KLHDC2: variants seen among roughly 807,000 people sequenced by gnomAD.
The protein encoded by KLHDC2 is kelch domain containing 2, also known as kelch domain-containing protein 2.
A neutral mutation model predicts 62.3 loss-of-function variants in KLHDC2; 38 were observed. The observed-to-expected ratio is 0.61, with a 90% CI of 0.47 to 0.80. KLHDC2 has a LOEUF of 0.80. Among genes scored for constraint, KLHDC2 ranks in the 30% least tolerant of loss-of-function variants. KLHDC2 has a pLI of 0.00. For synonymous variants in KLHDC2, 159 were observed against 161.0 expected, an observed-to-expected ratio of 0.99 and a Z score of 0.09; for missense variants, 430 against 495.3, an observed-to-expected ratio of 0.87 and a Z score of 1.25.
intron 3 of KLHDC2, among the ~76,000 whole-genome samples, chr14:49,775,642 A>T (rs8007202): frequency 0.97 from 134,717 of 138,794 alleles, 65,409 homozygotes; most frequent in East Asian, 1. Flanking sequence ...TTTTTTTCGG[A>T]TGGGGACAGA....
chr14:49,778,168 C>A lies in KLHDC2; in HGVS notation c.468-10C>A. ...TTGAATTTTTAGTGTCTTGGTTTTT[C>A]ATCCAACAGGTTAATATTTTTTGGA... On this transcript the variant is annotated splice_polypyrimidine_tract_variant and intron_variant, in intron 4 of 12. Coordinates refer to ENST00000298307, the MANE Select transcript of KLHDC2 (RefSeq NM_014315.3). 1 of 1,574,596 alleles carries A rather than the reference C, an allele frequency of 6.4e-7. No homozygotes were observed. The highest frequency in any genetic ancestry group is 1.1e-5 in the South Asian group (1 of 87,152).
rs187842171 is a variant in KLHDC2, at chr14:49,783,262, C to G, written c.*309C>G. 7.4e-4 allele frequency: 145 copies of G among 194,674 alleles called. No individual in the cohort carries two copies. The highest frequency in any genetic ancestry group is 3.1e-3 in the African/African-American group (132 of 42,172). 12.1% of individuals were successfully genotyped at this position (194,674 alleles called of 1,614,324 possible). On this transcript the variant is annotated 3_prime_UTR_variant, in exon 13 of 13. Coordinates refer to ENST00000298307, the MANE Select transcript of KLHDC2 (RefSeq NM_014315.3). Reference sequence around the variant, plus strand: ...AGAAACATTATAGTCTTACCATCATCAAAATGCTGAAGTCATTTTTTGAAA... The same window carrying G: ...AGAAACATTATAGTCTTACCATCATGAAAATGCTGAAGTCATTTTTTGAAA...
In KLHDC2 at chr14:49,786,368, CTTAGAT is replaced by C. The variant is rs1198230090; in HGVS notation, c.*3420_*3425del. The C allele has an allele frequency of 5.1e-6, 1 of 197,214 alleles. No individual in the cohort carries two copies. Among genetic ancestry groups the C allele is most frequent in the African/African-American group, 2.3e-5 (1 of 42,872 alleles). The allele number at this position is 197,214 out of a possible 1,614,324, so 12.2% of individuals were successfully genotyped here. A position where few individuals can be genotyped will look rare whatever the true frequency, so the allele number is the denominator to read the frequency against. ...CCATTTATTTTACAATATGAATAAACTTAGATTTAGGACAGAATGCTTGGTGCTGAA... is the reference window on the plus strand; with the variant it reads ...CCATTTATTTTACAATATGAATAAACTTAGGACAGAATGCTTGGTGCTGAA... On this transcript the variant is annotated 3_prime_UTR_variant, in exon 13 of 13. Transcript: ENST00000298307.
rs1889584413 is a variant in KLHDC2, at chr14:49,768,272, C to T, written c.-197C>T. 1.9e-6 allele frequency: 1 copy of T among 537,586 alleles called. No homozygotes were observed. Among genetic ancestry groups the T allele is most frequent in the Non-Finnish European group, 3.1e-6 (1 of 321,402 alleles). 33.3% of individuals were successfully genotyped at this position (537,586 alleles called of 1,614,324 possible). A position where few individuals can be genotyped will look rare whatever the true frequency, so the allele number is the denominator to read the frequency against. On this transcript the variant is annotated 5_prime_UTR_variant, in exon 1 of 13. Coordinates refer to ENST00000298307, the MANE Select transcript of KLHDC2 (RefSeq NM_014315.3). ...CGGCCCCTCTGTCTGCAGGCGTGCC[C>T]CGGCGGCGGCGGAGAGCCGTCCTCG...
chr14:49,773,954 T>G (rs1414481241), intron 2 of KLHDC2, among the ~76,000 whole-genome samples: 1 of 152,200 alleles, frequency 6.6e-6, no homozygotes, highest in Non-Finnish European at 1.5e-5. Context: ...TATCTGACAG[T>G]TTTAGCAGAA....
At chr14:49,772,614 C>T (rs1050241689) in intron 2 of KLHDC2, among the ~76,000 whole-genome samples, 3 of 152,204 alleles carry the variant, frequency 2.0e-5, no homozygotes, top group African/African-American at 7.2e-5. Context: ...GAACTTTATG[C>T]TTTAAATATT....
rs200791252 is a variant in KLHDC2 at position 49,779,640 on chromosome 14, G to A, written c.679G>A (p.Gly227Arg). 2.3e-5 allele frequency: 37 copies of A among 1,614,006 alleles called. No homozygotes were observed. The highest frequency in any genetic ancestry group is 7.7e-5 in the South Asian group (7 of 91,092). ...PRAAHACATV[G>R]NRGFVFGGRY... is the part of the protein sequence containing the mutation. ...TGCTGCCCATGCCTGTGCAACTGTC[G>A]GAAATAGAGGCTTCGTGTTTGGAGG... The change falls in exon 7 of 13, where the codon GGA (glycine) becomes AGA (arginine). Residue 227 changes from glycine (G) to arginine (R), a missense_variant. Coordinates refer to ENST00000298307, the MANE Select transcript of KLHDC2 (RefSeq NM_014315.3).
chr14:49,784,746 T>A lies in KLHDC2; in HGVS notation c.*1793T>A, dbSNP rs1420305508. 14 of 1,543,046 alleles carry A rather than the reference T, an allele frequency of 9.1e-6. No individual in the cohort carries two copies. In the Middle Eastern group the frequency reaches 1.2e-3, roughly 131 times the overall value. The stretch of plus-strand genomic sequence containing the variant: ...AAGAAAATTGCTGAATATCTTCACA[T>A]CCTGTATGGTCAATCATGTTTCTTT... On this transcript the variant is annotated 3_prime_UTR_variant, in exon 13 of 13. Transcript: ENST00000298307.
rs1566636447 is a variant in KLHDC2, at chr14:49,778,846, C to T, written c.633+352C>T. ...TCAAGCGATTCTCCTGCCTCAGCCT[C>T]CTGAGTATCTGGGATTACAGATGCC... On this transcript the variant is annotated intron_variant, in intron 6 of 12. Coordinates refer to ENST00000298307, the MANE Select transcript of KLHDC2 (RefSeq NM_014315.3). Among the ~76,000 whole-genome samples, 5 of 152,038 alleles carry T rather than the reference C, an allele frequency of 3.3e-5. No homozygotes were observed. The East Asian group carries it at 5.8e-4, about 18-fold the overall frequency.
chr14:49,778,072 A>C (rs1366469531), intron 4 of KLHDC2, 106 bp from the exon 5 acceptor site: 1 of 913,100 alleles, frequency 1.1e-6, no homozygotes, highest in Non-Finnish European at 1.7e-6. Flanking sequence ...ATGAAGATTA[A>C]CTGAATTAAT....
At chr14:49,781,369 CA>C (rs1555343492) in intron 10 of KLHDC2, among the ~76,000 whole-genome samples, 12 of 124,682 alleles carry the variant, frequency 9.6e-5, no homozygotes, top group Admixed American at 2.5e-4. Context: ...AACTCTGTCT[CA>C]AAAAAAAAAA....
At chr14:49,771,742 C>G in intron 2 of KLHDC2, 69 bp downstream of exon 2, 5 of 809,388 alleles carry the variant, frequency 6.2e-6, no homozygotes, top group Non-Finnish European at 1.1e-5. Flanking sequence ...CTGGCTCATG[C>G]CTATAATCCC....
chr14:49,770,920 C>G (rs931889348), intron 1 of KLHDC2, among the ~76,000 whole-genome samples: 1 of 152,356 alleles, frequency 6.6e-6, no homozygotes, highest in East Asian at 1.9e-4. Context: ...GCTAGAAAAC[C>G]ACGCATCGTG....
intron 2 of KLHDC2, among the ~76,000 whole-genome samples, chr14:49,772,558 T>C (rs923200109): frequency 3.9e-5 from 6 of 152,226 alleles, no homozygotes; most frequent in Admixed American, 2.6e-4. Context: ...GGGTTAGCCA[T>C]GGTTGCGGAT....
At chr14:49,776,237 A>G (rs946668431) in intron 3 of KLHDC2, among the ~76,000 whole-genome samples, 13 of 151,858 alleles carry the variant, frequency 8.6e-5, no homozygotes, top group African/African-American at 2.4e-4. Context: ...AAGGGGGAGA[A>G]TAATAACTGA....
chr14:49,768,790 T>G, intron 1 of KLHDC2, 169 bp downstream of exon 1: 12 of 602,360 alleles, frequency 2.0e-5, no homozygotes, highest in East Asian at 3.4e-5. Flanking sequence ...CGCGGGAATC[T>G]TCCTTCTCTC....
chr14:49,775,420 G>C (rs1476357701), intron 3 of KLHDC2, among the ~76,000 whole-genome samples: 1 of 152,138 alleles, frequency 6.6e-6, no homozygotes, highest in African/African-American at 2.4e-5. Flanking sequence ...CACTGCAGTA[G>C]CACCTGCTAG....
In KLHDC2 at chr14:49,784,609, C is replaced by T. The variant is rs1890070849; in HGVS notation, c.*1656C>T. 1.9e-6 allele frequency: 3 copies of T among 1,551,668 alleles called. No homozygotes were observed. Among genetic ancestry groups the T allele is most frequent in the South Asian group, 2.3e-5 (2 of 87,100 alleles). ...CCAAAAGGCTATAAAATTGGCTCTT[C>T]TCAAATATTTTAGAATTTCATTTCA... On this transcript the variant is annotated 3_prime_UTR_variant, in exon 13 of 13. Transcript: ENST00000298307.
intron 10 of KLHDC2, 95 bp downstream of exon 10, chr14:49,780,870 C>A (rs1889882484): frequency 1.3e-5 from 10 of 745,728 alleles, no homozygotes; most frequent in Admixed American, 1.2e-4. Context: ...ATAAAAATCT[C>A]AGCATTCACT....
Sources: allele counts gnomAD v4.1 joint callset (sites outside exome capture counted in the v4.1 genomes callset), GRCh38; gene constraint gnomAD v4.1.1; transcripts MANE v1.5; gene names NCBI Gene and HGNC (gene_info 2026-07-23, HGNC 2026-07-21).